YTHDF1: variants seen among roughly 807,000 people sequenced by gnomAD.
The protein encoded by YTHDF1 is YTH N6-methyladenosine RNA binding protein F1, also known as YTH domain-containing family protein 1.
YTHDF1 carries 16 observed loss-of-function variants against 49.1 expected under a neutral mutation model. The ratio of observed to expected loss-of-function variants is 0.33; its 90% CI spans 0.22 to 0.49. The LOEUF is 0.49. Among genes scored for constraint, YTHDF1 ranks in the 20% least tolerant of loss-of-function variants. YTHDF1 has a pLI of 0.99. For missense variants in YTHDF1, 621 were observed against 744.3 expected, an observed-to-expected ratio of 0.83 and a Z score of 1.93; for synonymous variants, 313 against 290.1, an observed-to-expected ratio of 1.08 and a Z score of -0.80.
At chr20:63,201,274 A>G (rs536025746) in intron 4 of YTHDF1, among the ~76,000 whole-genome samples, 1 of 152,280 alleles carries the variant, frequency 6.6e-6, no homozygotes, top group African/African-American at 2.4e-5. Flanking sequence ...TTTCTGCCCA[A>G]AATACATTAG....
chr20:63,197,076 T>C (rs1285200467), intron 4 of YTHDF1, among the ~76,000 whole-genome samples: 4 of 152,178 alleles, frequency 2.6e-5, no homozygotes, highest in Non-Finnish European at 5.9e-5. Context: ...CACTTAGCAA[T>C]GTGAAATTCT....
chr20:63,203,789 T>C lies in YTHDF1; in HGVS notation c.151A>G (p.Met51Val), dbSNP rs753752856. The C allele has an allele frequency of 3.7e-6, 6 of 1,605,346 alleles. No individual in the cohort carries two copies. Among genetic ancestry groups the C allele is most frequent in the African/African-American group, 1.3e-5 (1 of 74,854 alleles). ...QSNQSNSYPS[M>V]SDPYLSSYYP... ...TAGCTGGACAGGTAGGGGTCGCTCA[T>C]TGAGGGGTAACTGTTACTCTGCAAA... Residue 51 changes from methionine (M) to valine (V), a missense_variant, in exon 4 of 5, where the codon ATG (methionine) becomes GTG (valine). Physicochemically the swap from Met to Val is conservative, Grantham distance 21. Transcript: ENST00000370339. The surrounding 1 kb of genome is among the most constrained non-coding windows in gnomAD (Gnocchi z 4.4).
chr20:63,215,275 G>C (rs1043656908), intron 2 of YTHDF1, among the ~76,000 whole-genome samples: 1 of 152,118 alleles, frequency 6.6e-6, no homozygotes, highest in Non-Finnish European at 1.5e-5. Flanking sequence ...AAGGCAAGTC[G>C]CTCAACCCCT....
intron 2 of YTHDF1, among the ~76,000 whole-genome samples, chr20:63,215,131 G>A (rs984450698): frequency 6.6e-6 from 1 of 152,126 alleles, no homozygotes; most frequent in African/African-American, 2.4e-5. Context: ...CGCTCTGAGG[G>A]TTTATCCCAA....
chr20:63,213,866 G>C lies in YTHDF1; in HGVS notation c.130C>G (p.Gln44Glu), dbSNP rs1376989768. 1 of 1,600,308 alleles carries C rather than the reference G, an allele frequency of 6.2e-7. No individual in the cohort carries two copies. The highest frequency in any genetic ancestry group is 2.3e-5 in the East Asian group (1 of 44,156). Residue 44 changes from glutamine (Q) to glutamate (E), a missense_variant and splice_region_variant, in exon 3 of 5, where the codon CAG (glutamine) becomes GAG (glutamate). By Grantham distance (29) the Gln-to-Glu change is conservative. This residue lies in a region of YTHDF1 where 470 missense variants were observed against 495.8 expected (regional missense o/e 0.95). Coordinates refer to ENST00000370339, the MANE Select transcript of YTHDF1 (RefSeq NM_017798.4). ...FEPYLTGQSN[Q>E]SNSYPSMSDP... ...ATATGCTAACAAAATAAACTCACCT[G>C]ATTTGACTGTCCAGTAAGGTAGGGC...
intron 2 of YTHDF1, chr20:63,214,167 G>A (rs1485177823): frequency 3.0e-5 from 28 of 945,144 alleles, no homozygotes; most frequent in Middle Eastern, 5.3e-4. Context: ...AGGCTTAATC[G>A]TAATTTGGTG....
chr20:63,198,491 T>C (rs1405728066), intron 4 of YTHDF1, among the ~76,000 whole-genome samples: 1 of 152,018 alleles, frequency 6.6e-6, no homozygotes, highest in Non-Finnish European at 1.5e-5. Context: ...AAAAAGCAAA[T>C]ACCAATCTCT....
intron 3 of YTHDF1, among the ~76,000 whole-genome samples, chr20:63,209,751 C>A (rs1375837220): frequency 1.3e-5 from 2 of 152,126 alleles, no homozygotes; most frequent in African/African-American, 4.8e-5. Flanking sequence ...CAAAAAGACA[C>A]AAAAAACACA....
rs755676465 is a variant in YTHDF1, at chr20:63,202,671, G to A, written c.1269C>T (p.Ser423=). 3.3e-5 allele frequency: 54 copies of A among 1,613,908 alleles called. No homozygotes were observed. Among genetic ancestry groups the A allele is most frequent in the Admixed American group, 1.7e-4 (10 of 60,038 alleles). Residue 423 remains serine, a synonymous_variant, in exon 4 of 5, where the codon AGC becomes AGT. Coordinates refer to ENST00000370339, the MANE Select transcript of YTHDF1 (RefSeq NM_017798.4). ...STEHGNKRLD[S]AFRCMSSKGP... is the part of the protein sequence containing the mutation. ...CCTTGCTGCTCATGCAGCGGAAGGC[G>A]CTGTCCAGGCGCTTGTTGCCGTGCT...
At chr20:63,213,833 A>T in intron 3 of YTHDF1, 31 bp downstream of exon 3, 1 of 1,583,816 alleles carries the variant, frequency 6.3e-7, no homozygotes, top group Non-Finnish European at 8.6e-7. Context: ...ACCAACTTAA[A>T]AACAAATATA....
At chr20:63,201,680 C>G (rs1192612933) in intron 4 of YTHDF1, among the ~76,000 whole-genome samples, 4 of 152,204 alleles carry the variant, frequency 2.6e-5, no homozygotes, top group Non-Finnish European at 5.9e-5. Context: ...CCTACCCCAC[C>G]ACCACCATTT....
chr20:63,209,538 G>A (rs2066564033), intron 3 of YTHDF1, among the ~76,000 whole-genome samples: 1 of 152,116 alleles, frequency 6.6e-6, no homozygotes, highest in Admixed American at 6.5e-5. Flanking sequence ...GGGAGGCCGA[G>A]GCAGGAGGAC....
chr20:63,215,691 G>A, intron 1 of YTHDF1, 90 bp from the exon 2 acceptor site: 5 of 1,460,806 alleles, frequency 3.4e-6, no homozygotes, highest in Non-Finnish European at 4.5e-6. Context: ...GGTCTCCAAC[G>A]GGCCGCGAGC....
intron 4 of YTHDF1, among the ~76,000 whole-genome samples, chr20:63,200,982 T>C (rs1353185859): frequency 1.3e-5 from 2 of 151,556 alleles, no homozygotes; most frequent in East Asian, 1.9e-4. Context: ...GAGGTGGAGG[T>C]TGCAGTGAGC....
At chr20:63,210,097 CCA>C (rs1262270267) in intron 3 of YTHDF1, among the ~76,000 whole-genome samples, 13 of 152,158 alleles carry the variant, frequency 8.5e-5, no homozygotes, top group Non-Finnish European at 1.3e-4. Context: ...TACTGCAGCA[CCA>C]CAGACACGAG....
In YTHDF1 at chr20:63,215,981, C is replaced by T. The variant is rs1338602394; in HGVS notation, c.-89G>A. 8.8e-7 allele frequency: 1 copy of T among 1,142,196 alleles called. No homozygotes were observed. The highest frequency in any genetic ancestry group is 4.0e-5 in the East Asian group (1 of 24,700). 70.8% of individuals were successfully genotyped at this position (1,142,196 alleles called of 1,614,324 possible). A position where few individuals can be genotyped will look rare whatever the true frequency, so the allele number is the denominator to read the frequency against. ...GGCCTGTCACCCTAGCTCGCGCGGCCCCGGGCCCCGCCGCCAATTCCCCGG... is the reference window on the plus strand; with the variant it reads ...GGCCTGTCACCCTAGCTCGCGCGGCTCCGGGCCCCGCCGCCAATTCCCCGG... On this transcript the variant is annotated 5_prime_UTR_variant, in exon 1 of 5. Transcript: ENST00000370339.
In YTHDF1 at chr20:63,216,059, CG is replaced by C. The variant is rs2066601226; in HGVS notation, c.-168del. ...CTGGGCGCGCGGGCCCCTGGCGAGG[CG>C]GCAGCGGCGGTGAGCCCGGGACGCG... On this transcript the variant is annotated 5_prime_UTR_variant, in exon 1 of 5. Transcript: ENST00000370339. 1 of 392,624 alleles carries C rather than the reference CG, an allele frequency of 2.5e-6. No homozygotes were observed. The highest frequency in any genetic ancestry group is 2.2e-5 in the African/African-American group (1 of 45,238). 24.3% of individuals were successfully genotyped at this position (392,624 alleles called of 1,614,324 possible).
intron 4 of YTHDF1, 82 bp from the exon 5 acceptor site, chr20:63,196,816 C>T: frequency 6.5e-7 from 1 of 1,549,070 alleles, no homozygotes; most frequent in South Asian, 1.1e-5. Flanking sequence ...GAGGCTGCCC[C>T]TTAGCAGCAC....
intron 3 of YTHDF1, among the ~76,000 whole-genome samples, chr20:63,213,455 C>T (rs1054084022): frequency 3.9e-5 from 6 of 152,156 alleles, no homozygotes; most frequent in African/African-American, 9.7e-5. Context: ...GAAACCCAGG[C>T]GGCCTCTGGC....
Sources: allele counts gnomAD v4.1 joint callset (sites outside exome capture counted in the v4.1 genomes callset), GRCh38; gene constraint gnomAD v4.1.1; regional missense constraint gnomAD v4.1.1; non-coding constraint Gnocchi (gnomAD v3.1); transcripts MANE v1.5; gene names NCBI Gene and HGNC (gene_info 2026-07-23, HGNC 2026-07-21).